Variants in CTBP2 observed in about 807,000 individuals in gnomAD.
CTBP2 encodes the protein C-terminal-binding protein 2.
CTBP2 carries 30 observed loss-of-function variants against 80.3 expected under a neutral mutation model. The observed-to-expected ratio is 0.37, with a 90% CI of 0.28 to 0.51. The LOEUF (loss-of-function observed/expected upper bound fraction) is 0.51. Among genes scored for constraint, CTBP2 ranks in the 20% least tolerant of loss-of-function variants. The probability of loss-of-function intolerance (pLI) is 0.93; values close to 1 mark genes in which losing one functional copy is unlikely to be tolerated. For missense variants in CTBP2, 1,212 were observed against 1,375.3 expected (o/e 0.88, Z 1.88); for synonymous variants, 594 against 587.4 (o/e 1.01, Z -0.16).
At chr10:125,035,948 T>C (rs887691954) in intron 3 of CTBP2, among the ~76,000 whole-genome samples, 2 of 152,108 alleles carry the variant, frequency 1.3e-5, no homozygotes, top group Non-Finnish European at 2.9e-5. Flanking sequence ...GATTGCTTGA[T>C]AGCAGGCATC....
chr10:125,106,832 C>T (rs988871613), intron 2 of CTBP2, among the ~76,000 whole-genome samples: 2 of 152,348 alleles, frequency 1.3e-5, no homozygotes, highest in East Asian at 3.9e-4. Flanking sequence ...GCCAGGGTGG[C>T]GCAGGAAGCG....
At chr10:125,005,807 A>G (rs756203197) in intron 1 of CTBP2, 7 of 1,610,830 alleles carry the variant, frequency 4.3e-6, no homozygotes, top group Admixed American at 3.3e-5. Context: ...TCCTGGTCTC[A>G]TGCCCCAGGC....
Position 125,026,235 on chromosome 10 carries a change from G to A in CTBP2, c.1525C>T (p.Pro509Ser), listed in dbSNP as rs1436924266. The A allele has an allele frequency of 1.2e-6, 2 of 1,613,646 alleles. No homozygotes were observed. Among genetic ancestry groups the A allele is most frequent in the South Asian group, 1.1e-5 (1 of 91,080 alleles). Residue 509 changes from proline to serine, a missense_variant, in exon 1 of 9, where the codon CCC becomes TCC. This residue lies in a region of CTBP2 where 848 missense variants were observed against 782.3 expected (regional missense o/e 1.08). Transcript: ENST00000309035. Reference sequence around the variant, plus strand: ...GCACCTGGCTTCCGCAAGACCTGGGGGCTGCCGTGAGGGCTGGGCAGCGGA... The same window carrying A: ...GCACCTGGCTTCCGCAAGACCTGGGAGCTGCCGTGAGGGCTGGGCAGCGGA...
At chr10:125,067,289 G>A (rs965990600) in intron 2 of CTBP2, among the ~76,000 whole-genome samples, 1 of 152,148 alleles carries the variant, frequency 6.6e-6, no homozygotes, top group Non-Finnish European at 1.5e-5. Context: ...ACCGCCATGT[G>A]GGGCCTAAGG....
At chr10:125,143,118 C>T (rs1037971424) in intron 1 of CTBP2, among the ~76,000 whole-genome samples, 6 of 152,140 alleles carry the variant, frequency 3.9e-5, no homozygotes, top group Non-Finnish European at 7.4e-5. Context: ...CCCTGTAGCC[C>T]GGCAGCCCCC....
At chr10:125,148,221 C>T (rs1859158410) in intron 1 of CTBP2, among the ~76,000 whole-genome samples, 1 of 152,190 alleles carries the variant, frequency 6.6e-6, no homozygotes, top group Non-Finnish European at 1.5e-5. Flanking sequence ...TGGTCACCAG[C>T]CACCAAAGTG....
intron 4 of CTBP2, chr10:124,997,368 T>A (rs1441522014): frequency 6.4e-6 from 1 of 155,784 alleles, no homozygotes; most frequent in African/African-American, 2.4e-5. Context: ...CGAGCCCCCA[T>A]GGAATCAGGC....
chr10:125,129,741 G>A (rs1335607136), intron 1 of CTBP2, among the ~76,000 whole-genome samples: 7 of 152,194 alleles, frequency 4.6e-5, no homozygotes, highest in Non-Finnish European at 1.0e-4. Flanking sequence ...TCTCTGGAAG[G>A]AGGAGCACAG....
chr10:125,136,896 G>C (rs1261310193), intron 1 of CTBP2, among the ~76,000 whole-genome samples: 2 of 152,210 alleles, frequency 1.3e-5, no homozygotes, highest in African/African-American at 4.8e-5. Flanking sequence ...GCGTTGCCCA[G>C]GGCCTTGAAA....
chr10:125,094,623 G>A (rs553522527), intron 2 of CTBP2, among the ~76,000 whole-genome samples: 15 of 152,204 alleles, frequency 9.9e-5, no homozygotes, highest in African/African-American at 3.6e-4. Flanking sequence ...CCTATCTGGC[G>A]ACATCTCTGG....
At chr10:125,122,053 C>G (rs1481806931) in intron 1 of CTBP2, among the ~76,000 whole-genome samples, 2 of 152,218 alleles carry the variant, frequency 1.3e-5, no homozygotes, top group Admixed American at 6.5e-5. Flanking sequence ...GCAAAGGGCA[C>G]TTGCCTACAA....
exon 3 of CTBP2, chr10:125,039,006 T>C (rs1369433096): frequency 1.2e-6 from 2 of 1,613,496 alleles, no homozygotes; most frequent in Non-Finnish European, 1.7e-6. Context: ...CCTTCACAAA[T>C]TCTGTCCAAT....
At chr10:125,072,789 G>GCA (rs1845707660) in intron 2 of CTBP2, among the ~76,000 whole-genome samples, 1 of 152,138 alleles carries the variant, frequency 6.6e-6, no homozygotes, top group Non-Finnish European at 1.5e-5. Context: ...GGTCCCTGGA[G>GCA]CACACACAGG....
intron 3 of CTBP2, among the ~76,000 whole-genome samples, chr10:125,038,158 T>C (rs777872655): frequency 6.6e-6 from 1 of 152,198 alleles, no homozygotes; most frequent in Non-Finnish European, 1.5e-5. Context: ...CATCTACTTA[T>C]AGGACAGACA....
rs147289747 is a variant in CTBP2 at position 125,026,706 on chromosome 10, C to T, written c.1054G>A (p.Glu352Lys). The change falls in exon 1 of 9, where the codon GAA becomes AAA. Residue 352 changes from glutamate (E) to lysine (K), a missense_variant. By Grantham distance (56) the Glu-to-Lys change is moderately conservative. Coordinates refer to ENST00000309035, the MANE Select transcript of CTBP2 (RefSeq NM_022802.3). ...CGGTCCTGCCTCCGCAGCTGCATTT[C>T]GGTCCTGCAGCTATTGGCCAGGCGG... The T allele has an allele frequency of 1.1e-4, 184 of 1,612,384 alleles. No individual in the cohort carries two copies. Among genetic ancestry groups the T allele is most frequent in the Non-Finnish European group, 1.4e-4 (162 of 1,179,776 alleles).
At chr10:125,116,394 T>C (rs1853296344) in intron 1 of CTBP2, among the ~76,000 whole-genome samples, 1 of 152,096 alleles carries the variant, frequency 6.6e-6, no homozygotes, top group Admixed American at 6.5e-5. Flanking sequence ...CTTCTCAAAA[T>C]GGGCCCGTCA....
intron 2 of CTBP2, among the ~76,000 whole-genome samples, chr10:125,049,392 T>C (rs1008573361): frequency 1.3e-5 from 2 of 152,208 alleles, no homozygotes; most frequent in Non-Finnish European, 1.5e-5. Flanking sequence ...TGCCTTTGGA[T>C]AGACCCCACA....
intron 2 of CTBP2, among the ~76,000 whole-genome samples, chr10:125,051,006 C>G (rs966590709): frequency 3.3e-5 from 5 of 152,218 alleles, no homozygotes; most frequent in Non-Finnish European, 7.3e-5. Context: ...TACAGCTCAT[C>G]GTGAGCTACC....
At chr10:125,106,230 A>G (rs1037985100) in intron 2 of CTBP2, among the ~76,000 whole-genome samples, 2 of 149,142 alleles carry the variant, frequency 1.3e-5, no homozygotes, top group Non-Finnish European at 3.0e-5. Flanking sequence ...CACATGGACC[A>G]AGTGCTCTTC....
Sources: gnomAD v4.1 joint callset for allele counts (sites outside exome capture counted in the v4.1 genomes callset) on GRCh38, gnomAD v4.1.1 for gene constraint, gnomAD v4.1.1 regional missense constraint, MANE v1.5 for transcripts, NCBI Gene and HGNC (gene_info 2026-07-23, HGNC 2026-07-21) for gene names.